Variants in AMZ2 observed in about 807,000 individuals in gnomAD.
The protein encoded by AMZ2 is archaelysin family metallopeptidase 2.
A neutral mutation model predicts 36.7 loss-of-function variants in AMZ2; 26 were observed. That is an observed-to-expected ratio of 0.71 (90% CI 0.52 to 0.98). The LOEUF is 0.98. Ranked by LOEUF, AMZ2 falls within the 50% of genes least tolerant of loss-of-function variation. The pLI, the probability that AMZ2 is intolerant of heterozygous loss-of-function variation, is 0.00. For synonymous variants in AMZ2, 144 were observed against 149.1 expected (o/e 0.97, Z 0.25); for missense variants, 394 against 430.5 (o/e 0.92, Z 0.75).
Position 68,254,432 on chromosome 17 carries a change from T to C in AMZ2, c.615T>C (p.Tyr205=). The change falls in exon 5 of 7, where the codon TAT becomes TAC. Residue 205 remains tyrosine, a synonymous_variant. Transcript: ENST00000359904. Reference sequence around the variant, plus strand: ...TGGGGATATTCAGCTTTGCCAGGTATGGCAGTGATTTTTATAGCATGCACT... The same window carrying C: ...TGGGGATATTCAGCTTTGCCAGGTACGGCAGTGATTTTTATAGCATGCACT... The part of the protein sequence containing the change: ...DGVGIFSFAR[Y]GSDFYSMHYK... 1 of 1,613,120 alleles carries C rather than the reference T, an allele frequency of 6.2e-7. No individual in the cohort carries two copies. Among genetic ancestry groups the C allele is most frequent in the South Asian group, 1.1e-5 (1 of 90,926 alleles).
chr17:68,212,289 T>C (rs2073087706), intron 1 of AMZ2, among the ~76,000 whole-genome samples: 1 of 152,178 alleles, frequency 6.6e-6, no homozygotes, highest in African/African-American at 2.4e-5. Flanking sequence ...AGAGGATTGC[T>C]TGAGCCCAGG....
chr17:68,234,830 A>G (rs1199808723), intron 1 of AMZ2, among the ~76,000 whole-genome samples: 3 of 152,076 alleles, frequency 2.0e-5, no homozygotes, highest in Non-Finnish European at 4.4e-5. Context: ...CCGGCCAACA[A>G]CATGGTGAAA....
chr17:68,247,654 C>A (rs1303009220), upstream of AMZ2: 107 of 985,382 alleles, frequency 1.1e-4, no homozygotes, highest in Non-Finnish European at 1.3e-4. Flanking sequence ...GCCGCCGACT[C>A]ATTTGGGGCC....
chr17:68,209,197 CTTTT>C (rs34960416), intron 1 of AMZ2, among the ~76,000 whole-genome samples: 10 of 141,944 alleles, frequency 7.0e-5, no homozygotes, highest in Non-Finnish European at 9.2e-5. Context: ...AATTTTAGTA[CTTTT>C]TTTTTTTTTT....
intron 1 of AMZ2, among the ~76,000 whole-genome samples, chr17:68,221,929 C>T (rs1555728673): frequency 6.6e-6 from 1 of 152,146 alleles, no homozygotes; most frequent in Non-Finnish European, 1.5e-5. Context: ...GACACGACCT[C>T]AGCGGTATTA....
At chr17:68,215,946 A>G (rs2073183945) in intron 1 of AMZ2, among the ~76,000 whole-genome samples, 1 of 152,070 alleles carries the variant, frequency 6.6e-6, no homozygotes, top group African/African-American at 2.4e-5. Flanking sequence ...CACAGTAATC[A>G]GTGGTATAGG....
intron 1 of AMZ2, among the ~76,000 whole-genome samples, chr17:68,212,574 C>G (rs1278180538): frequency 2.6e-5 from 4 of 151,672 alleles, no homozygotes; most frequent in South Asian, 2.1e-4. Context: ...TTTTTCTTTT[C>G]TTTCTTTTTT....
At chr17:68,253,727 T>C (rs2074667073) in intron 4 of AMZ2, among the ~76,000 whole-genome samples, 1 of 151,420 alleles carries the variant, frequency 6.6e-6, no homozygotes, top group Admixed American at 6.6e-5. Flanking sequence ...TGTCCTTAAA[T>C]AGTGAAATCA....
chr17:68,247,773 A>T, upstream of AMZ2: 1 of 985,540 alleles, frequency 1.0e-6, no homozygotes, highest in Non-Finnish European at 1.2e-6. Flanking sequence ...GGCTCTCGAG[A>T]ACCGGGCCGC....
At chr17:68,232,593 C>T (rs782095468) in intron 1 of AMZ2, among the ~76,000 whole-genome samples, 4 of 151,906 alleles carry the variant, frequency 2.6e-5, no homozygotes, top group Non-Finnish European at 4.4e-5. Flanking sequence ...CCTATAATCC[C>T]AGCACTTTGG....
At chr17:68,233,835 C>T (rs1169860970) in intron 1 of AMZ2, among the ~76,000 whole-genome samples, 1 of 151,916 alleles carries the variant, frequency 6.6e-6, no homozygotes, top group Admixed American at 6.5e-5. Flanking sequence ...GATCCTCCCA[C>T]CTCAGCCTCC....
intron 1 of AMZ2, among the ~76,000 whole-genome samples, chr17:68,236,095 G>A (rs1555732484): frequency 6.6e-6 from 1 of 151,996 alleles, no homozygotes; most frequent in Non-Finnish European, 1.5e-5. Flanking sequence ...CTCCCAAAGT[G>A]CTGGGATTAC....
intron 1 of AMZ2, among the ~76,000 whole-genome samples, chr17:68,210,983 T>G: frequency 6.6e-6 from 1 of 150,958 alleles, no homozygotes; most frequent in Admixed American, 6.6e-5. Context: ...GGTTAGAGTG[T>G]AAATTTTATG....
chr17:68,242,108 T>C (rs34908083), intron 1 of AMZ2, among the ~76,000 whole-genome samples: 4,759 of 152,204 alleles, frequency 0.031, 102 homozygotes, highest in Non-Finnish European at 0.054. Context: ...GTTGTTAATC[T>C]AAATGAATCT....
chr17:68,224,047 A>G lies in AMZ2; in HGVS notation c.-67+17809A>G, dbSNP rs2073443243. ...TGGGACTACAGGCGCCCGCCACCACACCCGGCTAATTTTTTGTATTTTTAG... is the reference window on the plus strand; with the variant it reads ...TGGGACTACAGGCGCCCGCCACCACGCCCGGCTAATTTTTTGTATTTTTAG... On this transcript the variant is annotated intron_variant, in intron 1 of 7. Coordinates refer to the AMZ2 transcript ENST00000674770. Among the ~76,000 whole-genome samples the G allele has an allele frequency of 2.2e-5, 3 of 136,190 alleles. No homozygotes were observed. The South Asian group carries it at 6.7e-4, about 31-fold the overall frequency. 89.3% of individuals were successfully genotyped at this position (136,190 alleles called of 152,430 possible).
intron 1 of AMZ2, among the ~76,000 whole-genome samples, chr17:68,211,692 ATATATATG>A (rs1450979552): frequency 4.1e-5 from 5 of 123,316 alleles, no homozygotes; most frequent in Admixed American, 3.2e-4. Context: ...ATGTATATGT[ATATATATG>A]TATATATGTA....
rs2074192742 is a variant in AMZ2, at chr17:68,248,546, T to C, written c.-160T>C. The C allele has an allele frequency of 8.1e-6, 8 of 986,102 alleles. No individual in the cohort carries two copies. The highest frequency in any genetic ancestry group is 9.6e-6 in the Non-Finnish European group (8 of 830,062). The allele number at this position is 986,102 out of a possible 1,614,324, so 61.1% of individuals were successfully genotyped here. A position where few individuals can be genotyped will look rare whatever the true frequency, so the allele number is the denominator to read the frequency against. On this transcript the variant is annotated 5_prime_UTR_variant, in exon 1 of 7. Coordinates refer to ENST00000359904, the MANE Select transcript of AMZ2 (RefSeq NM_016627.5). The stretch of plus-strand genomic sequence containing the variant: ...TGCCCATCTTCTCCCGCAGCTTCCC[T>C]AGATTAGGCTTGGGAGGCAAGAGGA...
Position 68,248,622 on chromosome 17 carries a change from T to A in AMZ2, c.-84T>A, listed in dbSNP as rs1555737265. On this transcript the variant is annotated 5_prime_UTR_variant, in exon 1 of 7. Transcript: ENST00000359904. ...TTTTAATATTAAGATGAAGTCACAC[T>A]CCACAACTTTCTTCCAGCCAGGCCC... 1.0e-6 allele frequency: 1 copy of A among 985,808 alleles called. No individual in the cohort carries two copies. The highest frequency in any genetic ancestry group is 1.2e-6 in the Non-Finnish European group (1 of 830,018). 61.1% of individuals were successfully genotyped at this position (985,808 alleles called of 1,614,324 possible).
chr17:68,208,707 A>G (rs1555725013), intron 1 of AMZ2, among the ~76,000 whole-genome samples: 2 of 152,180 alleles, frequency 1.3e-5, no homozygotes, highest in Non-Finnish European at 2.9e-5. Context: ...CACTGCCTTT[A>G]CGAGCTGTAA....
Sources: allele counts gnomAD v4.1 joint callset (sites outside exome capture counted in the v4.1 genomes callset), GRCh38; gene constraint gnomAD v4.1.1; transcripts MANE v1.5; gene names NCBI Gene and HGNC (gene_info 2026-07-23, HGNC 2026-07-21).